Variants in CTNND2 observed in about 807,000 individuals in gnomAD.
CTNND2 encodes catenin delta 2.
Under a neutral mutation model 144.4 loss-of-function variants are expected in CTNND2, and 22 were observed. The ratio of observed to expected loss-of-function variants is 0.15; its 90% CI spans 0.11 to 0.22. The LOEUF (loss-of-function observed/expected upper bound fraction) is 0.22, where lower values mean the gene tolerates loss of function less well. CTNND2 is among the 10% of genes least tolerant of loss of function. The pLI is 1.00. For missense variants in CTNND2, 1,353 were observed against 1,618.8 expected, an observed-to-expected ratio of 0.84 and a Z score of 2.82; for synonymous variants, 751 against 695.6, an observed-to-expected ratio of 1.08 and a Z score of -1.25.
At chr5:11,126,298 T>C (rs1453901237) in intron 12 of CTNND2, among the ~76,000 whole-genome samples, 1 of 151,962 alleles carries the variant, frequency 6.6e-6, no homozygotes, top group East Asian at 1.9e-4. Context: ...TGAAACTCTG[T>C]CTCAAAAAAA....
chr5:11,148,304 G>A (rs1757437154), intron 12 of CTNND2, among the ~76,000 whole-genome samples: 1 of 152,172 alleles, frequency 6.6e-6, no homozygotes. Flanking sequence ...ACTTTTAAAT[G>A]GCTAATTTGA....
At chr5:11,109,285 A>T (rs1752715208) in intron 14 of CTNND2, among the ~76,000 whole-genome samples, 1 of 152,196 alleles carries the variant, frequency 6.6e-6, no homozygotes, top group Admixed American at 6.5e-5. Context: ...TAGAAGTCTG[A>T]TACTTCTAGT....
At chr5:11,226,723 G>A (rs547043878) in intron 10 of CTNND2, among the ~76,000 whole-genome samples, 226 of 152,298 alleles carry the variant, frequency 1.5e-3, no homozygotes, top group African/African-American at 5.0e-3. Context: ...CCCATGACAT[G>A]TGGGAATTAT....
intron 10 of CTNND2, among the ~76,000 whole-genome samples, chr5:11,233,268 T>A (rs922421480): frequency 6.6e-6 from 1 of 152,114 alleles, no homozygotes; most frequent in African/African-American, 2.4e-5. Flanking sequence ...TTCTCAAAAT[T>A]GCACATATAA....
At chr5:11,623,831 T>TATATAC (rs1781004938) in intron 2 of CTNND2, among the ~76,000 whole-genome samples, 1 of 121,876 alleles carries the variant, frequency 8.2e-6, no homozygotes, top group Non-Finnish European at 1.7e-5. Flanking sequence ...TATATATATA[T>TATATAC]ATATATATAT....
intron 11 of CTNND2, among the ~76,000 whole-genome samples, chr5:11,168,424 T>C (rs1488246689): frequency 6.6e-6 from 1 of 152,198 alleles, no homozygotes; most frequent in African/African-American, 2.4e-5. Context: ...AAGTCATGGG[T>C]TCATCTTTGA....
chr5:11,800,032 G>T (rs184157318), intron 1 of CTNND2, among the ~76,000 whole-genome samples: 4 of 152,174 alleles, frequency 2.6e-5, no homozygotes, highest in African/African-American at 9.6e-5. Context: ...CTTTAACTAA[G>T]GAACTGAATT....
chr5:11,395,641 A>G (rs540909493), intron 6 of CTNND2, among the ~76,000 whole-genome samples: 10 of 152,330 alleles, frequency 6.6e-5, no homozygotes, highest in African/African-American at 2.4e-4. Flanking sequence ...ATCTCAATGG[A>G]ATGTTTTATC....
chr5:11,343,585 C>T (rs953553780), intron 9 of CTNND2, among the ~76,000 whole-genome samples: 2 of 151,938 alleles, frequency 1.3e-5, no homozygotes, highest in Admixed American at 6.6e-5. Flanking sequence ...TAAAAATGTT[C>T]GTGCCAACAT....
intron 5 of CTNND2, among the ~76,000 whole-genome samples, chr5:11,405,765 C>A (rs1761041174): frequency 6.6e-6 from 1 of 151,796 alleles, no homozygotes; most frequent in Non-Finnish European, 1.5e-5. Context: ...ATTTCATATA[C>A]CCGAGGTAGG....
At chr5:11,089,024 TTG>T (rs1258676002) in intron 15 of CTNND2, among the ~76,000 whole-genome samples, 1 of 152,190 alleles carries the variant, frequency 6.6e-6, no homozygotes, top group Non-Finnish European at 1.5e-5. Flanking sequence ...TGTTATGAAC[TTG>T]TGTTTTTGCT....
chr5:11,660,760 T>G (rs1048558674), intron 2 of CTNND2, among the ~76,000 whole-genome samples: 1 of 152,188 alleles, frequency 6.6e-6, no homozygotes, highest in African/African-American at 2.4e-5. Flanking sequence ...TGTGGGCATG[T>G]GTTGCAAGCT....
At chr5:10,977,140 T>C (rs1736595430) in intron 21 of CTNND2, among the ~76,000 whole-genome samples, 1 of 152,172 alleles carries the variant, frequency 6.6e-6, no homozygotes, top group Admixed American at 6.5e-5. Context: ...AGATGAGTAT[T>C]TGCCTCTTCC....
At chr5:11,572,704 C>T (rs1777659776) in intron 2 of CTNND2, among the ~76,000 whole-genome samples, 1 of 152,116 alleles carries the variant, frequency 6.6e-6, no homozygotes, top group Non-Finnish European at 1.5e-5. Context: ...CGCTACAGTC[C>T]CCATGCTTCA....
chr5:11,366,681 A>G (rs1259411027), intron 7 of CTNND2, among the ~76,000 whole-genome samples: 2 of 29,650 alleles, frequency 6.7e-5, no homozygotes, highest in Non-Finnish European at 1.1e-4. Flanking sequence ...ATGTAAAAAT[A>G]AAAAAAAAAA....
At chr5:11,593,528 T>C (rs1779360437) in intron 2 of CTNND2, among the ~76,000 whole-genome samples, 1 of 152,164 alleles carries the variant, frequency 6.6e-6, no homozygotes, top group African/African-American at 2.4e-5. Flanking sequence ...CCAGGTGTCA[T>C]GGGAGGGACC....
rs1012570879 is a variant in CTNND2, at chr5:11,778,861, TGA to T, written c.38-46591_38-46590del. On this transcript the variant is annotated intron_variant, in intron 1 of 21. Transcript: ENST00000304623. Reference sequence around the variant, plus strand: ...CTTTAATAATGGAGGAAAGTGGGTGTGAGTCATATGGGAATTCTCTGTACCAT... The same window carrying T: ...CTTTAATAATGGAGGAAAGTGGGTGTGTCATATGGGAATTCTCTGTACCAT... Among the ~76,000 whole-genome samples, 6 of 152,364 alleles carry T rather than the reference TGA, an allele frequency of 3.9e-5. No individual in the cohort carries two copies. The South Asian group carries it at 1.0e-3, about 26-fold the overall frequency.
rs1191824518 is a variant in CTNND2 at position 11,485,374 on chromosome 5, T to TGTGC, written c.288-73306_288-73305insGCAC. Among the ~76,000 whole-genome samples, 762 of 140,590 alleles carry TGTGC rather than the reference T, an allele frequency of 5.4e-3. 9 individuals are homozygous for TGTGC. The highest frequency in any genetic ancestry group is 0.02 in the Middle Eastern group (5 of 254). The allele number at this position is 140,590 out of a possible 152,430, so 92.2% of individuals were successfully genotyped here. ...GTGTGTGTGTGTGTGTGTGTGTGTG[T>TGTGC]GCGCGCGCGCGCGTGCGCGCGCACA... On this transcript the variant is annotated intron_variant, in intron 3 of 21. Transcript: ENST00000304623.
At chr5:11,402,705 C>G (rs1760739060) in intron 5 of CTNND2, among the ~76,000 whole-genome samples, 4 of 152,172 alleles carry the variant, frequency 2.6e-5, no homozygotes, top group African/African-American at 9.7e-5. Context: ...CAAAAATGAG[C>G]TGAGAGAAAA....
Sources: gnomAD v4.1 joint callset for allele counts (sites outside exome capture counted in the v4.1 genomes callset) on GRCh38, gnomAD v4.1.1 for gene constraint, MANE v1.5 for transcripts, NCBI Gene and HGNC (gene_info 2026-07-23, HGNC 2026-07-21) for gene names.